Variants in SCARA3 observed in about 807,000 individuals in gnomAD.
The protein encoded by SCARA3 is cellular stress response gene protein.
SCARA3 carries 39 observed loss-of-function variants against 47.0 expected under a neutral mutation model. The observed-to-expected ratio is 0.83, with a 90% CI of 0.64 to 1.08. The LOEUF (loss-of-function observed/expected upper bound fraction) is 1.08. SCARA3 is among the 50% of genes least tolerant of loss of function. SCARA3 has a pLI of 0.00. For missense variants in SCARA3, 724 were observed against 792.3 expected (o/e 0.91, Z 1.04); for synonymous variants, 356 against 334.1 (o/e 1.07, Z -0.71).
chr8:27,660,795 G>C (rs923549493), intron 5 of SCARA3, among the ~76,000 whole-genome samples: 7 of 150,632 alleles, frequency 4.6e-5, no homozygotes, highest in African/African-American at 1.7e-4. Context: ...GAGATGATAG[G>C]GATGAGATAG....
chr8:27,663,069 C>T (rs887324946), intron 5 of SCARA3, among the ~76,000 whole-genome samples: 15 of 152,236 alleles, frequency 9.9e-5, no homozygotes, highest in African/African-American at 2.4e-4. Context: ...GTTCCTTCCA[C>T]ATCCCTGACC....
the SCARA3 span, among the ~76,000 whole-genome samples, chr8:27,726,923 G>A: frequency 6.6e-6 from 1 of 151,974 alleles, no homozygotes; most frequent in South Asian, 2.1e-4. Context: ...ACAGGTGTGT[G>A]CCATCACACC....
At chr8:27,727,121 A>G in the SCARA3 span, among the ~76,000 whole-genome samples, 3 of 152,158 alleles carry the variant, frequency 2.0e-5, no homozygotes, top group Admixed American at 2.0e-4. Context: ...TATGTTGCCC[A>G]GGCTGGTCTC....
At chr8:27,673,374 G>A (rs1802211580), downstream of SCARA3, among the ~76,000 whole-genome samples, 1 of 152,264 alleles carries the variant, frequency 6.6e-6, no homozygotes, top group Non-Finnish European at 1.5e-5. Flanking sequence ...GATAGAACAG[G>A]AAAGGAGGCA....
chr8:27,635,845 T>C (rs1801239456), intron 1 of SCARA3, among the ~76,000 whole-genome samples: 1 of 152,166 alleles, frequency 6.6e-6, no homozygotes, highest in African/African-American at 2.4e-5. Context: ...ACAAATTATG[T>C]AGCTGGTCCT....
intron 5 of SCARA3, among the ~76,000 whole-genome samples, chr8:27,660,643 G>GAT (rs1801883746): frequency 6.7e-6 from 1 of 148,618 alleles, no homozygotes; most frequent in African/African-American, 2.4e-5. Context: ...TAGATAGATA[G>GAT]ATAGATAGAT....
the SCARA3 span, among the ~76,000 whole-genome samples, chr8:27,696,299 C>A: frequency 2.9e-3 from 437 of 152,256 alleles, 7 homozygotes; most frequent in African/African-American, 9.9e-3. Flanking sequence ...CATGAGCCAT[C>A]ATGCCTGGCC....
the SCARA3 span, among the ~76,000 whole-genome samples, chr8:27,707,054 C>T: frequency 6.6e-6 from 1 of 152,098 alleles, no homozygotes; most frequent in African/African-American, 2.4e-5. Context: ...ACTTGGGGCT[C>T]CAAGCACCAA....
At chr8:27,662,732 G>A (rs1801937386) in intron 5 of SCARA3, among the ~76,000 whole-genome samples, 1 of 152,208 alleles carries the variant, frequency 6.6e-6, no homozygotes, top group South Asian at 2.1e-4. Context: ...ACAGCAGATT[G>A]GGCATTAGCA....
intron 1 of SCARA3, among the ~76,000 whole-genome samples, chr8:27,639,208 G>C (rs1419812265): frequency 6.6e-6 from 1 of 152,170 alleles, no homozygotes; most frequent in Non-Finnish European, 1.5e-5. Flanking sequence ...TGGAGTTCCT[G>C]TTTTTAGGGA....
At chr8:27,657,875 G>A (rs1238216343) in intron 4 of SCARA3, among the ~76,000 whole-genome samples, 3 of 152,122 alleles carry the variant, frequency 2.0e-5, no homozygotes, top group South Asian at 2.1e-4. Flanking sequence ...ACTTATAAGT[G>A]AGAGCATGTG....
chr8:27,690,661 C>T, the SCARA3 span, among the ~76,000 whole-genome samples: 1 of 152,076 alleles, frequency 6.6e-6, no homozygotes, highest in African/African-American at 2.4e-5. Context: ...TGCAAAAGAG[C>T]TATCATTTGT....
downstream of SCARA3, among the ~76,000 whole-genome samples, chr8:27,681,293 C>T (rs1802350481): frequency 6.6e-6 from 1 of 151,764 alleles, no homozygotes; most frequent in Non-Finnish European, 1.5e-5. Flanking sequence ...CCTACAAGGT[C>T]AATATACAAA....
chr8:27,692,768 C>T, the SCARA3 span, among the ~76,000 whole-genome samples: 1 of 152,126 alleles, frequency 6.6e-6, no homozygotes, highest in African/African-American at 2.4e-5. Context: ...CTTATCTTAA[C>T]CCAGACACTC....
rs368757975 is a variant in SCARA3 at position 27,659,071 on chromosome 8, G to A, written c.901G>A (p.Val301Ile). Residue 301 changes from valine to isoleucine, a missense_variant, in exon 5 of 6, where the codon GTA becomes ATA. Val to Ile is a conservative substitution (Grantham distance 29, BLOSUM62 3). Coordinates refer to ENST00000301904, the MANE Select transcript of SCARA3 (RefSeq NM_016240.3). ...SQNSESMHDL[V>I]LQVMGLQLQL... ...GAACTCAGAGAGCATGCACGACCTG[G>A]TACTCCAGGTCATGGGCTTGCAGCT... The A allele has an allele frequency of 1.4e-5, 22 of 1,614,064 alleles. No individual in the cohort carries two copies. Among genetic ancestry groups the A allele is most frequent in the Non-Finnish European group, 1.9e-5 (22 of 1,180,024 alleles).
chr8:27,635,709 GC>G (rs1801236660), intron 1 of SCARA3, among the ~76,000 whole-genome samples: 1 of 151,758 alleles, frequency 6.6e-6, no homozygotes, highest in East Asian at 1.9e-4. Context: ...TCCCACCTCA[GC>G]CTCCTAAAGT....
At chr8:27,673,852 C>T (rs558009406), downstream of SCARA3, among the ~76,000 whole-genome samples, 33 of 152,314 alleles carry the variant, frequency 2.2e-4, no homozygotes, top group South Asian at 1.7e-3. Context: ...TGTCTCATTT[C>T]ACGCTCCCTG....
At chr8:27,659,848 T>TAAAAAAAAAAA (rs1164812144) in intron 5 of SCARA3, among the ~76,000 whole-genome samples, 1 of 40,356 alleles carries the variant, frequency 2.5e-5, no homozygotes, top group Non-Finnish European at 3.9e-5. Flanking sequence ...AGTCCTTATC[T>TAAAAAAAAAAA]AAAAAAAAAA....
chr8:27,646,980 C>CCA (rs1554537186), intron 1 of SCARA3, among the ~76,000 whole-genome samples: 11 of 113,202 alleles, frequency 9.7e-5, no homozygotes, highest in Non-Finnish European at 1.9e-4. Flanking sequence ...CCGCCCCCCC[C>CCA]CCGCACACAC....
Sources: allele counts gnomAD v4.1 joint callset (sites outside exome capture counted in the v4.1 genomes callset), GRCh38; gene constraint gnomAD v4.1.1; transcripts MANE v1.5; gene names NCBI Gene and HGNC (gene_info 2026-07-23, HGNC 2026-07-21).